Variants in ESR1 observed in about 807,000 individuals in gnomAD.
ESR1 encodes the protein estrogen receptor.
In ESR1, 12 loss-of-function variants were observed where a neutral mutation model predicts 52.7. The observed-to-expected ratio is 0.23, with a 90% confidence interval of 0.15 to 0.37. ESR1 has a LOEUF of 0.37. Ranked by LOEUF, ESR1 falls within the 10% of genes least tolerant of loss-of-function variation. The pLI, the probability that ESR1 is intolerant of heterozygous loss-of-function variation, is 1.00. For missense variants in ESR1, 584 were observed against 779.7 expected, an observed-to-expected ratio of 0.75 and a Z score of 2.99; for synonymous variants, 305 against 316.8, an observed-to-expected ratio of 0.96 and a Z score of 0.39.
intron 3 of ESR1, among the ~76,000 whole-genome samples, chr6:151,885,022 C>A (rs141832847): frequency 2.7e-5 from 4 of 148,548 alleles, no homozygotes; most frequent in Non-Finnish European, 5.9e-5. Flanking sequence ...CATGATGGCG[C>A]GGGGGTGGGG....
At chr6:151,993,133 G>T (rs1481409958) in intron 4 of ESR1, among the ~76,000 whole-genome samples, 2 of 152,046 alleles carry the variant, frequency 1.3e-5, no homozygotes, top group Non-Finnish European at 2.9e-5. Flanking sequence ...GGTTTTAGTG[G>T]TTAATTTATA....
intron 2 of ESR1, among the ~76,000 whole-genome samples, chr6:151,724,744 G>A (rs915535885): frequency 6.6e-6 from 1 of 152,138 alleles, no homozygotes; most frequent in Admixed American, 6.5e-5. Flanking sequence ...TTTGTGAGGT[G>A]GGGGAAATTC....
intron 5 of ESR1, among the ~76,000 whole-genome samples, chr6:152,058,887 G>A (rs184902066): frequency 7.2e-5 from 11 of 152,086 alleles, no homozygotes; most frequent in South Asian, 4.1e-4. Flanking sequence ...GTGATTTGAC[G>A]TAACAATCTT....
chr6:152,113,436 T>C (rs1262832710), intron 6 of ESR1, among the ~76,000 whole-genome samples: 1 of 152,020 alleles, frequency 6.6e-6, no homozygotes, highest in Non-Finnish European at 1.5e-5. Flanking sequence ...AGGGAGTCTT[T>C]CCATTCCCAC....
rs540024738 is a variant in ESR1, at chr6:151,683,974, A to T, written n.74-17901A>T. Among the ~76,000 whole-genome samples, 37 of 151,840 alleles carry T rather than the reference A, an allele frequency of 2.4e-4. No individual in the cohort carries two copies. The South Asian group carries it at 6.7e-3, about 27-fold the overall frequency. ...TCATCAGCCCACCCCTGCCTCAAAA[A>T]GTGCTGGGATTACAGGCGTGAGCCA... is the stretch of plus-strand genomic sequence containing the variant. On this transcript the variant is annotated intron_variant and non_coding_transcript_variant, in intron 1 of 2. Coordinates refer to the ESR1 transcript ENST00000473497.
chr6:151,944,046 C>G (rs1417523410), intron 3 of ESR1, 127 bp from the exon 4 acceptor site: 3 of 755,318 alleles, frequency 4.0e-6, no homozygotes, highest in African/African-American at 1.8e-5. Context: ...TGAACACTTA[C>G]CAGCTCACCT....
At chr6:151,986,332 G>T (rs1195888959) in intron 4 of ESR1, among the ~76,000 whole-genome samples, 1 of 152,092 alleles carries the variant, frequency 6.6e-6, no homozygotes, top group Non-Finnish European at 1.5e-5. Context: ...TAAAGGCATT[G>T]TTGCTTTTCT....
chr6:151,965,942 C>A (rs894162744), intron 4 of ESR1, among the ~76,000 whole-genome samples: 1 of 152,160 alleles, frequency 6.6e-6, no homozygotes, highest in Non-Finnish European at 1.5e-5. Flanking sequence ...TGTAATCACA[C>A]AGTGACGCTC....
At chr6:152,066,159 A>G (rs1015592688) in intron 6 of ESR1, among the ~76,000 whole-genome samples, 2 of 152,202 alleles carry the variant, frequency 1.3e-5, no homozygotes, top group African/African-American at 4.8e-5. Flanking sequence ...ATGCTGAAGC[A>G]GATGCCATTC....
intron 3 of ESR1, among the ~76,000 whole-genome samples, chr6:151,935,013 G>A (rs954832527): frequency 7.2e-5 from 11 of 152,166 alleles, no homozygotes; most frequent in African/African-American, 2.7e-4. Flanking sequence ...TTATGCCATG[G>A]TAATTAAAAT....
chr6:151,793,480 A>C (rs1351983305), intron 2 of ESR1, among the ~76,000 whole-genome samples: 1 of 152,162 alleles, frequency 6.6e-6, no homozygotes, highest in East Asian at 1.9e-4. Context: ...TAAATATATA[A>C]ATTAGTCATA....
intron 2 of ESR1, among the ~76,000 whole-genome samples, chr6:151,714,837 A>C (rs1052187553): frequency 6.6e-6 from 1 of 152,104 alleles, no homozygotes; most frequent in East Asian, 1.9e-4. Context: ...ACCTGTTTAC[A>C]TTTAAGATTA....
intron 5 of ESR1, among the ~76,000 whole-genome samples, chr6:152,030,817 C>CA (rs1267073636): frequency 6.6e-6 from 1 of 152,204 alleles, no homozygotes; most frequent in Non-Finnish European, 1.5e-5. Flanking sequence ...CTCTCCACCC[C>CA]AAATCAACAG....
At chr6:151,955,628 C>T (rs569355034) in intron 4 of ESR1, among the ~76,000 whole-genome samples, 55 of 152,108 alleles carry the variant, frequency 3.6e-4, no homozygotes, top group Non-Finnish European at 5.9e-4. Flanking sequence ...GTGATACTTG[C>T]GGCTCTGACA....
rs1408314464 is a variant in ESR1, at chr6:151,953,285, C to T, written c.1096+8777C>T. On this transcript the variant is annotated intron_variant, in intron 4 of 7. Coordinates refer to ENST00000206249, the MANE Select transcript of ESR1 (RefSeq NM_000125.4). ...GTACCAACATAGCCAAGCCAAAGTT[C>T]GAACTTTGCTGCCTTACAATGGAGG... Among the ~76,000 whole-genome samples, 3 of 152,110 alleles carry T rather than the reference C, an allele frequency of 2.0e-5. No homozygotes were observed. The South Asian group carries it at 6.2e-4, about 32-fold the overall frequency.
At chr6:151,680,986 G>A (rs187211757) in intron 1 of ESR1, among the ~76,000 whole-genome samples, 1 of 152,220 alleles carries the variant, frequency 6.6e-6, no homozygotes, top group East Asian at 1.9e-4. Context: ...GGGAGGACTT[G>A]AGGCTCTCCT....
At chr6:151,671,977 G>C (rs916833770) in intron 1 of ESR1, among the ~76,000 whole-genome samples, 1 of 152,156 alleles carries the variant, frequency 6.6e-6, no homozygotes, top group Non-Finnish European at 1.5e-5. Context: ...GGGTGACAGA[G>C]TGAGACTCTC....
rs1562780596 is a variant in ESR1, at chr6:152,094,390, T to C, written c.1375T>C (p.Tyr459His). The change falls in exon 7 of 8, where the codon TAC becomes CAC. Residue 459 changes from tyrosine (Y) to histidine (H), a missense_variant. Around this residue, in one of 6 missense-constraint regions of ESR1, gnomAD observed 141 missense variants for 289.3 expected, o/e 0.49. Transcript: ENST00000206249. The surrounding 1 kb of genome is among the most constrained non-coding windows in gnomAD (Gnocchi z 4.6). ...KSIILLNSGV[Y>H]TFLSSTLKSL... is the part of the protein sequence containing the mutation. ...CTCTCTCTCTGCGCATTCAGGAGTG[T>C]ACACATTTCTGTCCAGCACCCTGAA... is the stretch of plus-strand genomic sequence containing the variant. 6.2e-7 allele frequency: 1 copy of C among 1,613,966 alleles called. No homozygotes were observed. The highest frequency in any genetic ancestry group is 2.2e-5 in the East Asian group (1 of 44,884).
intron 1 of ESR1, among the ~76,000 whole-genome samples, chr6:151,664,800 T>C (rs1464825514): frequency 6.6e-6 from 1 of 152,208 alleles, no homozygotes; most frequent in Admixed American, 6.5e-5. Context: ...AAATGTATTG[T>C]GTCTGTGTTT....
Sources: gnomAD v4.1 joint callset for allele counts (sites outside exome capture counted in the v4.1 genomes callset) on GRCh38, gnomAD v4.1.1 for gene constraint, gnomAD v4.1.1 regional missense constraint, Gnocchi (gnomAD v3.1) non-coding constraint, MANE v1.5 for transcripts, NCBI Gene and HGNC (gene_info 2026-07-23, HGNC 2026-07-21) for gene names.